The following SLAMF6 variants were observed in gnomAD, a reference collection of about 807,000 sequenced individuals.
SLAMF6 encodes SLAM family member 6.
Under a neutral mutation model 38.3 loss-of-function variants are expected in SLAMF6, and 21 were observed. That is an observed-to-expected ratio of 0.55 (90% confidence interval 0.39 to 0.79). The LOEUF (loss-of-function observed/expected upper bound fraction) is 0.79, where lower values mean the gene tolerates loss of function less well. Ranked by LOEUF, SLAMF6 falls within the 30% of genes least tolerant of loss-of-function variation. The probability of loss-of-function intolerance (pLI) is 0.00; values close to 1 mark genes in which losing one functional copy is unlikely to be tolerated. For missense variants in SLAMF6, 341 were observed against 385.3 expected, an observed-to-expected ratio of 0.89 and a Z score of 0.96; for synonymous variants, 152 against 146.3, an observed-to-expected ratio of 1.04 and a Z score of -0.28.
At chr1:160,512,861 T>C (rs1409409027) in intron 1 of SLAMF6, among the ~76,000 whole-genome samples, 20 of 151,840 alleles carry the variant, frequency 1.3e-4, no homozygotes, top group Non-Finnish European at 5.9e-5. Flanking sequence ...CATCCAAAGA[T>C]CAGCAGACTC....
chr1:160,506,119 A>T (rs1196071231), intron 1 of SLAMF6, among the ~76,000 whole-genome samples: 1 of 152,164 alleles, frequency 6.6e-6, no homozygotes, highest in African/African-American at 2.4e-5. Flanking sequence ...TAATGGCCCC[A>T]AACTTCCCAA....
At chr1:160,488,997 T>C (rs1653121059) in intron 6 of SLAMF6, 91 bp downstream of exon 6, 3 of 1,204,962 alleles carry the variant, frequency 2.5e-6, no homozygotes, top group Non-Finnish European at 3.7e-6. Context: ...CCCTCAGTGG[T>C]CATTTGTTCA....
intron 3 of SLAMF6, among the ~76,000 whole-genome samples, chr1:160,490,918 G>A (rs559746907): frequency 2.2e-4 from 34 of 152,260 alleles, no homozygotes; most frequent in African/African-American, 7.5e-4. Flanking sequence ...GTTCTGAGTA[G>A]GTTGGACGAG....
At chr1:160,511,825 G>A (rs1654488349) in intron 1 of SLAMF6, among the ~76,000 whole-genome samples, 3 of 152,098 alleles carry the variant, frequency 2.0e-5, no homozygotes, top group African/African-American at 7.2e-5. Flanking sequence ...TCACTCATTG[G>A]GACTGACTAG....
chr1:160,523,224 C>T lies in SLAMF6; in HGVS notation c.-32G>A. 1 of 1,607,804 alleles carries T rather than the reference C, an allele frequency of 6.2e-7. No individual in the cohort carries two copies. Among genetic ancestry groups the T allele is most frequent in the Non-Finnish European group, 8.5e-7 (1 of 1,177,364 alleles). ...CGCGGTGAAGACTGGTGCTTGAGAC[C>T]TTGAGGCAGTCAATGTTTTTGCCCT... On this transcript the variant is annotated 5_prime_UTR_variant, in exon 1 of 8. Transcript: ENST00000368057.
intron 1 of SLAMF6, among the ~76,000 whole-genome samples, 186 bp downstream of exon 1, chr1:160,522,958 T>C (rs965688588): frequency 2.6e-5 from 4 of 152,188 alleles, no homozygotes; most frequent in Non-Finnish European, 4.4e-5. Context: ...GACAACCATC[T>C]CAGGCTTATC....
chr1:160,504,358 C>T (rs1363456471), intron 1 of SLAMF6, among the ~76,000 whole-genome samples: 1 of 152,084 alleles, frequency 6.6e-6, no homozygotes, highest in Non-Finnish European at 1.5e-5. Flanking sequence ...CTGCATATAT[C>T]AAAATGTCAT....
chr1:160,513,210 C>T (rs975274909), intron 1 of SLAMF6, among the ~76,000 whole-genome samples: 3 of 151,972 alleles, frequency 2.0e-5, no homozygotes, highest in Admixed American at 6.6e-5. Context: ...GAAAACATCA[C>T]AATGCAATCA....
intron 1 of SLAMF6, among the ~76,000 whole-genome samples, chr1:160,521,223 C>G (rs533464528): frequency 2.0e-5 from 3 of 152,284 alleles, no homozygotes; most frequent in African/African-American, 7.2e-5. Context: ...TCCTGGGTCT[C>G]AGAACACCTG....
In SLAMF6 at chr1:160,490,958, A is replaced by G. The variant is rs1314553710; in HGVS notation, c.646+167T>C. The G allele has an allele frequency of 1.6e-5, 15 of 931,340 alleles. No individual in the cohort carries two copies. In the East Asian group the frequency reaches 3.5e-4, roughly 22 times the overall value. The allele number at this position is 931,340 out of a possible 1,614,324, so 57.7% of individuals were successfully genotyped here. A position where few individuals can be genotyped will look rare whatever the true frequency, so the allele number is the denominator to read the frequency against. On this transcript the variant is annotated intron_variant, in intron 3 of 7. Transcript: ENST00000368057. ...TGGGGAATGGAGAGGAAGGAAGGAG[A>G]GTCCTCTGGGAGTACTGAGAGATGC...
Position 160,492,006 on chromosome 1 carries a change from G to A in SLAMF6, c.383-618C>T, listed in dbSNP as rs371957425. ...AAATGCTGAGAACCAAAGAAGTGGG[G>A]AAGGAAGAAGTGAATAAGGTGAGAA... is the stretch of plus-strand genomic sequence containing the variant. On this transcript the variant is annotated intron_variant, in intron 2 of 7. Transcript: ENST00000368057. 4.6e-5 allele frequency among the ~76,000 whole-genome samples: 7 copies of A among 152,180 alleles called. No individual in the cohort carries two copies. In the East Asian group the frequency reaches 7.7e-4, roughly 17 times the overall value.
rs147543571 is a variant in SLAMF6 at position 160,494,060 on chromosome 1, T to A, written c.382+2001A>T. 4.8e-3 allele frequency among the ~76,000 whole-genome samples: 737 copies of A among 152,310 alleles called. 3 individuals carry two copies. The highest frequency in any genetic ancestry group is 0.017 in the African/African-American group (704 of 41,568). On this transcript the variant is annotated intron_variant, in intron 2 of 7. Transcript: ENST00000368057. ...AAACCATGTTAGCAGTCACTCCCAA[T>A]TAATTGGTATTGGCCCATAAAATCA...
intron 2 of SLAMF6, among the ~76,000 whole-genome samples, chr1:160,495,618 G>A (rs563268284): frequency 5.9e-5 from 9 of 152,202 alleles, no homozygotes; most frequent in African/African-American, 9.7e-5. Context: ...GGGAGGTGTC[G>A]TGGCAGGTAG....
Position 160,486,674 on chromosome 1 carries a change from C to A in SLAMF6, c.*33G>T. ...TGTCTCATGGGATCAGAAGACGTGT[C>A]ATTCCCGAATTCCTCTGAGGCCTTT... On this transcript the variant is annotated 3_prime_UTR_variant, in exon 8 of 8. Transcript: ENST00000368057. 1.9e-6 allele frequency: 3 copies of A among 1,599,420 alleles called. No individual in the cohort carries two copies. In the South Asian group the frequency reaches 3.3e-5, roughly 18 times the overall value.
intron 1 of SLAMF6, among the ~76,000 whole-genome samples, chr1:160,496,927 C>T (rs572202889): frequency 1.3e-5 from 2 of 152,236 alleles, no homozygotes; most frequent in African/African-American, 4.8e-5. Context: ...ACGCTGACTA[C>T]AGTCTGTGAG....
intron 2 of SLAMF6, among the ~76,000 whole-genome samples, chr1:160,493,987 A>G (rs764823484): frequency 6.6e-6 from 1 of 152,156 alleles, no homozygotes; most frequent in African/African-American, 2.4e-5. Context: ...CTCCCTTGAC[A>G]TGTAGGGATT....
intron 1 of SLAMF6, among the ~76,000 whole-genome samples, chr1:160,514,106 C>T (rs1421077588): frequency 6.6e-6 from 1 of 152,118 alleles, no homozygotes; most frequent in Non-Finnish European, 1.5e-5. Flanking sequence ...CATTGGTGTG[C>T]TGTATTCAAG....
In SLAMF6 at chr1:160,486,446, CTGGTGT is replaced by C; in HGVS notation, c.*255_*260del. The C allele has an allele frequency of 2.3e-6, 1 of 432,118 alleles. No individual in the cohort carries two copies. The highest frequency in any genetic ancestry group is 4.2e-6 in the Non-Finnish European group (1 of 236,602). 26.8% of individuals were successfully genotyped at this position (432,118 alleles called of 1,614,324 possible). On this transcript the variant is annotated 3_prime_UTR_variant, in exon 8 of 8. Transcript: ENST00000368057. ...AGTTATCAAAGAGAGAGTCAATGTGCTGGTGTGTTATCTTTAGCATGTTTTGGCCTG... is the reference window on the plus strand; with the variant it reads ...AGTTATCAAAGAGAGAGTCAATGTGCGTTATCTTTAGCATGTTTTGGCCTG...
intron 1 of SLAMF6, among the ~76,000 whole-genome samples, chr1:160,499,300 A>G (rs1003069621): frequency 3.3e-5 from 5 of 152,178 alleles, no homozygotes; most frequent in Non-Finnish European, 7.4e-5. Flanking sequence ...ATCCAGCACC[A>G]TTTATTGAAC....
Sources: gnomAD v4.1 joint callset for allele counts (sites outside exome capture counted in the v4.1 genomes callset) on GRCh38, gnomAD v4.1.1 for gene constraint, MANE v1.5 for transcripts, NCBI Gene and HGNC (gene_info 2026-07-23, HGNC 2026-07-21) for gene names.